Variants in PCDHGA8 observed in about 807,000 individuals in gnomAD.
PCDHGA8 encodes the protein protocadherin gamma subfamily A, 8, also known as protocadherin gamma-A8.
A neutral mutation model predicts 59.2 loss-of-function variants in PCDHGA8; 45 were observed. The ratio of observed to expected loss-of-function variants is 0.76; its 90% CI spans 0.60 to 0.98. The LOEUF (loss-of-function observed/expected upper bound fraction) is 0.98, where lower values mean the gene tolerates loss of function less well. PCDHGA8 is among the 50% of genes least tolerant of loss of function. PCDHGA8 has a pLI of 0.00. For synonymous variants in PCDHGA8, 531 were observed against 519.0 expected (o/e 1.02, Z -0.32); for missense variants, 1,257 against 1,196.2 (o/e 1.05, Z -0.75).
In PCDHGA8 at chr5:141,392,649, C is replaced by T; in HGVS notation, c.-165C>T. 1.4e-6 allele frequency: 1 copy of T among 703,200 alleles called. No individual in the cohort carries two copies. The highest frequency in any genetic ancestry group is 2.2e-5 in the South Asian group (1 of 44,682). The allele number at this position is 703,200 out of a possible 1,614,324, so 43.6% of individuals were successfully genotyped here. ...TCAGATCTCACACCTCACGAAGACC[C>T]GCAGATGCCACAAACTAACTGCTGG... On this transcript the variant is annotated 5_prime_UTR_variant, in exon 1 of 4. Coordinates refer to ENST00000398604, the MANE Select transcript of PCDHGA8 (RefSeq NM_032088.2).
intron 1 of PCDHGA8, chr5:141,405,045 C>T (rs757899891): frequency 6.2e-7 from 1 of 1,613,918 alleles, no homozygotes. Context: ...GTGGCTGTGG[C>T]AGTCGTCTCC....
rs182282975 is a variant in PCDHGA8 at position 141,420,903 on chromosome 5, A to G, written c.2424+25666A>G. The G allele has an allele frequency of 1.7e-5, 5 of 296,804 alleles. No individual in the cohort carries two copies. In the Admixed American group the frequency reaches 1.8e-4, roughly 11 times the overall value. The allele number at this position is 296,804 out of a possible 1,614,324, so 18.4% of individuals were successfully genotyped here. On this transcript the variant is annotated intron_variant, in intron 1 of 3. Transcript: ENST00000398604. ...TGTATCATCGTTTTTAAGCTCTACA[A>G]ATACGTGTGATTCACAAAGGTGAGC...
In PCDHGA8 at chr5:141,477,815, G is replaced by C; in HGVS notation, c.2425-16992G>C. On this transcript the variant is annotated intron_variant, in intron 1 of 3. Coordinates refer to ENST00000398604, the MANE Select transcript of PCDHGA8 (RefSeq NM_032088.2). The surrounding 1 kb of genome is among the most constrained non-coding windows in gnomAD (Gnocchi z 4.9). ...TGATCGCAATGACAATGCCCCCCAG[G>C]TCCTATATCCTCGGCCAGGTGGGAG... 1 of 1,614,106 alleles carries C rather than the reference G, an allele frequency of 6.2e-7. No homozygotes were observed. Among genetic ancestry groups the C allele is most frequent in the Non-Finnish European group, 8.5e-7 (1 of 1,180,034 alleles).
chr5:141,428,131 G>T, intron 1 of PCDHGA8: 1 of 1,602,720 alleles, frequency 6.2e-7, no homozygotes, highest in Non-Finnish European at 8.5e-7. Flanking sequence ...GGGCTTTTCA[G>T]CCTGGGGCTG....
chr5:141,398,938 G>T (rs201463346), intron 1 of PCDHGA8: 467 of 1,613,840 alleles, frequency 2.9e-4, no homozygotes, highest in Non-Finnish European at 3.7e-4. Context: ...TGACCAAGAC[G>T]AGGGCATCAA....
At position 141,412,973 on chromosome 5, in the gene PCDHGA8, C is replaced by A. The variant is rs2095594108; in HGVS notation, c.2424+17736C>A. 14 of 528,318 alleles carry A rather than the reference C, an allele frequency of 2.6e-5. No individual in the cohort carries two copies. In the South Asian group the frequency reaches 3.3e-4, roughly 12 times the overall value. The allele number at this position is 528,318 out of a possible 1,614,324, so 32.7% of individuals were successfully genotyped here. A position where few individuals can be genotyped will look rare whatever the true frequency, so the allele number is the denominator to read the frequency against. Reference sequence around the variant, plus strand: ...GCTGTTCACCTACTAGGAGAGAAAACGCAGCCAGAGCTCAATCCGGATTCT... The same window carrying A: ...GCTGTTCACCTACTAGGAGAGAAAAAGCAGCCAGAGCTCAATCCGGATTCT... On this transcript the variant is annotated intron_variant, in intron 1 of 3. Transcript: ENST00000398604.
chr5:141,415,828 G>T, intron 1 of PCDHGA8: 1 of 1,293,336 alleles, frequency 7.7e-7, no homozygotes, highest in East Asian at 2.8e-5. Flanking sequence ...ATAAGGCTTT[G>T]TTATGATTAG....
intron 1 of PCDHGA8, among the ~76,000 whole-genome samples, chr5:141,484,321 G>A (rs2099594762): frequency 6.6e-6 from 1 of 152,124 alleles, no homozygotes; most frequent in Non-Finnish European, 1.5e-5. Flanking sequence ...CTTCCATACT[G>A]TCCTTGAAAT....
intron 1 of PCDHGA8, chr5:141,419,230 C>G (rs1439568232): frequency 6.2e-7 from 1 of 1,613,910 alleles, no homozygotes; most frequent in Non-Finnish European, 8.5e-7. Context: ...AGTCAGCCTA[C>G]CTGGTCCACG....
intron 1 of PCDHGA8, chr5:141,409,017 G>T (rs745981387): frequency 3.1e-6 from 5 of 1,613,840 alleles, no homozygotes; most frequent in Non-Finnish European, 4.2e-6. Flanking sequence ...CAGGATGAGG[G>T]GGTCAATGCT....
intron 1 of PCDHGA8, chr5:141,415,519 A>T: frequency 1.9e-6 from 3 of 1,614,182 alleles, no homozygotes; most frequent in Non-Finnish European, 2.5e-6. Context: ...TTATGCGGAC[A>T]CGCTCATCAG....
In PCDHGA8 at chr5:141,491,727, G is replaced by C; in HGVS notation, c.2425-3080G>C. On this transcript the variant is annotated intron_variant, in intron 1 of 3. Transcript: ENST00000398604. This position sits in a 1 kb window ranked among gnomAD's most constrained non-coding sequence, Gnocchi z 6.9. ...TGAGGGGCTCGGCGCCGCCCCGGGC[G>C]ACCCCTGGGGGCGGCACTGGAGAAG... 6.2e-7 allele frequency: 1 copy of C among 1,604,916 alleles called. No individual in the cohort carries two copies. The highest frequency in any genetic ancestry group is 8.5e-7 in the Non-Finnish European group (1 of 1,176,284).
At chr5:141,418,987 A>T (rs1244429131) in intron 1 of PCDHGA8, 2 of 1,613,856 alleles carry the variant, frequency 1.2e-6, no homozygotes, top group Non-Finnish European at 1.7e-6. Flanking sequence ...ACCAAGACTC[A>T]GGGGAAAATG....
At chr5:141,478,497 C>T in intron 1 of PCDHGA8, 1 of 1,612,820 alleles carries the variant, frequency 6.2e-7, no homozygotes, top group Non-Finnish European at 8.5e-7. Context: ...AGCTGTGATC[C>T]GGTGTTCTAT....
At chr5:141,506,432 C>A (rs2099853359) in intron 3 of PCDHGA8, among the ~76,000 whole-genome samples, 1 of 132,482 alleles carries the variant, frequency 7.5e-6, no homozygotes, top group Non-Finnish European at 1.6e-5. Context: ...GGGCAACAGT[C>A]TCGCTCTGTC....
At chr5:141,414,414 C>T (rs376404716) in intron 1 of PCDHGA8, 4 of 1,613,830 alleles carry the variant, frequency 2.5e-6, no homozygotes, top group South Asian at 1.1e-5. Context: ...TACACAGAGC[C>T]CTTGACAGGG....
chr5:141,403,127 C>G, intron 1 of PCDHGA8: 1 of 1,614,062 alleles, frequency 6.2e-7, no homozygotes, highest in Non-Finnish European at 8.5e-7. Context: ...GCCCCGGGAG[C>G]TGGCGGAGCG....
chr5:141,494,844 C>T lies in PCDHGA8; in HGVS notation c.2462C>T (p.Ala821Val). The change falls in exon 2 of 4, where the codon GCC becomes GTC. Residue 821 changes from alanine to valine, a missense_variant. Ala to Val is a moderately conservative substitution (Grantham distance 64). Coordinates refer to ENST00000398604, the MANE Select transcript of PCDHGA8 (RefSeq NM_032088.2). ...PPNTDWRFSQ[A>V]QRPGTSGSQN... The stretch of plus-strand genomic sequence containing the variant: ...AACACGGACTGGCGTTTCTCTCAGG[C>T]CCAGAGACCCGGCACCAGCGGGTAG... The T allele has an allele frequency of 6.2e-7, 1 of 1,614,190 alleles. No homozygotes were observed. The highest frequency in any genetic ancestry group is 8.5e-7 in the Non-Finnish European group (1 of 1,180,028).
intron 2 of PCDHGA8, among the ~76,000 whole-genome samples, chr5:141,495,250 A>G (rs557893500): frequency 6.6e-6 from 1 of 152,188 alleles, no homozygotes; most frequent in Non-Finnish European, 1.5e-5. Context: ...CCTGGGGCTC[A>G]GGCAGAAAAG....
Sources: gnomAD v4.1 joint callset for allele counts (sites outside exome capture counted in the v4.1 genomes callset) on GRCh38, gnomAD v4.1.1 for gene constraint, Gnocchi (gnomAD v3.1) non-coding constraint, MANE v1.5 for transcripts, NCBI Gene and HGNC (gene_info 2026-07-23, HGNC 2026-07-21) for gene names.